Variants in MUC5AC observed in about 807,000 individuals in gnomAD.
The protein encoded by MUC5AC is mucin-5AC.
In MUC5AC, 158 loss-of-function variants were observed where a neutral mutation model predicts 169.7. That is an observed-to-expected ratio of 0.93 (90% CI 0.82 to 1.06). The LOEUF is 1.06. Ranked by LOEUF, MUC5AC falls within the 50% of genes least tolerant of loss-of-function variation. MUC5AC has a pLI of 0.00. For synonymous variants in MUC5AC, 1,975 were observed against 1,237.0 expected, an observed-to-expected ratio of 1.60 and a Z score of -12.52; for missense variants, 4,359 against 3,089.9, an observed-to-expected ratio of 1.41 and a Z score of -9.74.
chr11:1,179,210 T>C lies in MUC5AC; in HGVS notation c.3446T>C (p.Val1149Ala). 1.5e-5 allele frequency: 10 copies of C among 664,518 alleles called. No homozygotes were observed. The highest frequency in any genetic ancestry group is 1.4e-4 in the South Asian group (9 of 62,472). 41.2% of individuals were successfully genotyped at this position (664,518 alleles called of 1,614,324 possible). A position where few individuals can be genotyped will look rare whatever the true frequency, so the allele number is the denominator to read the frequency against. ...VAAYAQACHEVGLCVSWRTPS... is the reference protein window; with the variant it reads ...VAAYAQACHEAGLCVSWRTPS... ...GCCTACGCCCAGGCCTGCCATGAAGTAGGCCTGTGTGTGTCCTGGCGGACC... is the reference window on the plus strand; with the variant it reads ...GCCTACGCCCAGGCCTGCCATGAAGCAGGCCTGTGTGTGTCCTGGCGGACC... Residue 1149 changes from valine (V) to alanine (A), a missense_variant, in exon 26 of 49, where the codon GTA (valine) becomes GCA (alanine). By Grantham distance (64) the Val-to-Ala change is moderately conservative. Coordinates refer to ENST00000621226, the MANE Select transcript of MUC5AC (RefSeq NM_001304359.2).
rs1223768614 is a variant in MUC5AC at position 1,165,301 on chromosome 11, G to T, written c.1130-1G>T. The T allele has an allele frequency of 6.2e-7, 1 of 1,611,150 alleles. No homozygotes were observed. Among genetic ancestry groups the T allele is most frequent in the Non-Finnish European group, 8.5e-7 (1 of 1,179,202 alleles). On this transcript the variant is annotated splice_acceptor_variant, in intron 9 of 48. Transcript: ENST00000621226. LOFTEE classifies it high-confidence loss of function. ...GTCATAGGCCTGCCTGACCCCTGCA[G>T]GGACGGTGCTTGACGACATCGGCCA...
At position 1,178,577 on chromosome 11, in the gene MUC5AC, C is replaced by T; in HGVS notation, c.3221C>T (p.Ala1074Val). 2 of 1,406,494 alleles carry T rather than the reference C, an allele frequency of 1.4e-6. No homozygotes were observed. Among genetic ancestry groups the T allele is most frequent in the Non-Finnish European group, 1.9e-6 (2 of 1,065,018 alleles). The allele number at this position is 1,406,494 out of a possible 1,614,324, so 87.1% of individuals were successfully genotyped here. A position where few individuals can be genotyped will look rare whatever the true frequency, so the allele number is the denominator to read the frequency against. The change falls in exon 25 of 49, where the codon GCC becomes GTC. Residue 1074 changes from alanine to valine, a missense_variant. Coordinates refer to ENST00000621226, the MANE Select transcript of MUC5AC (RefSeq NM_001304359.2). ...AAGCTCTCCCCCTCCTGCCCAGATG[C>T]CCTGGCGCCCAAGGACCCCTGCACG... ...SWKLSPSCPD[A>V]LAPKDPCTAN...
Position 1,190,107 on chromosome 11 carries a change from G to C in MUC5AC, c.11962G>C (p.Glu3988Gln), listed in dbSNP as rs1295246124. The part of the protein sequence containing the change: ...ETYNNIIRSG[E>Q]KICRRPEEIT... ...CTACAACAACATCATCAGGAGTGGG[G>C]AAAAAATCTGCCGCCGACCTGAGGA... The change falls in exon 31 of 49, where the codon GAA (glutamate) becomes CAA (glutamine). Residue 3988 changes from glutamate (E) to glutamine (Q), a missense_variant. By Grantham distance (29) the Glu-to-Gln change is conservative (BLOSUM62 2). Coordinates refer to ENST00000621226, the MANE Select transcript of MUC5AC (RefSeq NM_001304359.2). The C allele has an allele frequency of 1.3e-6, 1 of 761,724 alleles. No homozygotes were observed. The highest frequency in any genetic ancestry group is 1.7e-5 in the African/African-American group (1 of 59,126). 47.2% of individuals were successfully genotyped at this position (761,724 alleles called of 1,614,324 possible).
At position 1,187,514 on chromosome 11, in the gene MUC5AC, T is replaced by G. The variant is rs1478064380; in HGVS notation, c.9369T>G (p.Thr3123=). Residue 3123 remains threonine (T), a synonymous_variant, in exon 31 of 49, where the codon ACT becomes ACG. Coordinates refer to ENST00000621226, the MANE Select transcript of MUC5AC (RefSeq NM_001304359.2). ...GCAAAACCTCTGGTCTTGGAACTAC[T>G]CCCAGCCCTATTCCTACCACCAGCA... The part of the protein sequence containing the change: ...TASKTSGLGT[T]PSPIPTTSTT... The G allele has an allele frequency of 2.7e-6, 2 of 728,536 alleles. No homozygotes were observed. The highest frequency in any genetic ancestry group is 3.7e-5 in the Admixed American group (2 of 53,780). The allele number at this position is 728,536 out of a possible 1,614,324, so 45.1% of individuals were successfully genotyped here. A position where few individuals can be genotyped will look rare whatever the true frequency, so the allele number is the denominator to read the frequency against.
chr11:1,171,938 CTCAT>C (rs1295139294), intron 15 of MUC5AC, among the ~76,000 whole-genome samples: 1,228 of 104,000 alleles, frequency 0.012, 6 homozygotes, highest in Non-Finnish European at 0.015. Context: ...CACTCATCCA[CTCAT>C]TCACTCACTC....
chr11:1,173,363 CTTCA>C (rs1472086233), intron 16 of MUC5AC, among the ~76,000 whole-genome samples: 8 of 145,882 alleles, frequency 5.5e-5, no homozygotes, highest in Non-Finnish European at 1.2e-4. Context: ...TCACTCATTC[CTTCA>C]TTCATTCCTT....
intron 2 of MUC5AC, 56 bp downstream of exon 2, chr11:1,160,745 T>C: frequency 1.3e-6 from 2 of 1,533,532 alleles, no homozygotes; most frequent in Non-Finnish European, 1.8e-6. Flanking sequence ...CCCTCCACCG[T>C]GTGGCACGGC....
At position 1,182,402 on chromosome 11, in the gene MUC5AC, G is replaced by T; in HGVS notation, c.4257G>T (p.Arg1419=). Residue 1419 remains arginine, a synonymous_variant, in exon 31 of 49, where the codon CGG becomes CGT. Transcript: ENST00000621226. ...AGAACCTCCGCGCCCATGGGTACCGGGTGTGCGAATCACCCAGGTCGGTGG... is the reference window on the plus strand; with the variant it reads ...AGAACCTCCGCGCCCATGGGTACCGTGTGTGCGAATCACCCAGGTCGGTGG... ...TLENLRAHGY[R]VCESPRSVEC... is the part of the protein sequence containing the mutation. 2.5e-6 allele frequency: 1 copy of T among 398,612 alleles called. No individual in the cohort carries two copies. Among genetic ancestry groups the T allele is most frequent in the Non-Finnish European group, 4.4e-6 (1 of 226,040 alleles). 24.7% of individuals were successfully genotyped at this position (398,612 alleles called of 1,614,324 possible).
In MUC5AC at chr11:1,188,268, A is replaced by G. The variant is rs1861001548; in HGVS notation, c.10123A>G (p.Thr3375Ala). 4 of 697,398 alleles carry G rather than the reference A, an allele frequency of 5.7e-6. No individual in the cohort carries two copies. The highest frequency in any genetic ancestry group is 2.0e-5 in the Admixed American group (1 of 49,706). 43.2% of individuals were successfully genotyped at this position (697,398 alleles called of 1,614,324 possible). A position where few individuals can be genotyped will look rare whatever the true frequency, so the allele number is the denominator to read the frequency against. The change falls in exon 31 of 49, where the codon ACC (threonine) becomes GCC (alanine). Residue 3375 changes from threonine to alanine, a missense_variant. Thr to Ala is a moderately conservative substitution (Grantham distance 58). Coordinates refer to ENST00000621226, the MANE Select transcript of MUC5AC (RefSeq NM_001304359.2). ...AACCTCCACTCCACAGACCAGCACAACCTCTGCTCCTACAACCAGCACAAC... is the reference window on the plus strand; with the variant it reads ...AACCTCCACTCCACAGACCAGCACAGCCTCTGCTCCTACAACCAGCACAAC... ...STTSTPQTSTTSAPTTSTTSA... is the reference protein window; with the variant it reads ...STTSTPQTSTASAPTTSTTSA...
At position 1,167,957 on chromosome 11, in the gene MUC5AC, C is replaced by T. The variant is rs969519081; in HGVS notation, c.1467C>T (p.Ser489=). 17 of 1,550,676 alleles carry T rather than the reference C, an allele frequency of 1.1e-5. No individual in the cohort carries two copies. Among genetic ancestry groups the T allele is most frequent in the South Asian group, 3.6e-5 (3 of 84,072 alleles). ...CGGACAGCGAGACCTGCCTGAAGAG[C>T]GTGACACTGAGCCTGGATGGGGCGC... The part of the protein sequence containing the change: ...GLTDSETCLK[S]VTLSLDGAQT... The change falls in exon 12 of 49, where the codon AGC becomes AGT. Residue 489 remains serine, a synonymous_variant. Transcript: ENST00000621226.
At chr11:1,193,242 G>A (rs56394108) in intron 32 of MUC5AC, among the ~76,000 whole-genome samples, 5,561 of 152,330 alleles carry the variant, frequency 0.037, 315 homozygotes, top group African/African-American at 0.13. Context: ...CAGAGCAGGT[G>A]GATGAGGCTG....
Position 1,192,962 on chromosome 11 carries a change from AAT to A in MUC5AC, c.14561_14562del (p.Asn4854SerfsTer9). 1 of 728,332 alleles carries A rather than the reference AAT, an allele frequency of 1.4e-6. No individual in the cohort carries two copies. The highest frequency in any genetic ancestry group is 2.5e-6 in the Non-Finnish European group (1 of 396,376). The allele number at this position is 728,332 out of a possible 1,614,324, so 45.1% of individuals were successfully genotyped here. A position where few individuals can be genotyped will look rare whatever the true frequency, so the allele number is the denominator to read the frequency against. The part of the protein sequence containing the change: ...SEPVTELGCP[N>X]AVPPRKKGET... ...GCCCGTCACTGAGCTGGGATGCCCAAATGCGGTTCCCCCCAGAAAGGTAACCC... is the reference window on the plus strand; with the variant it reads ...GCCCGTCACTGAGCTGGGATGCCCAAGCGGTTCCCCCCAGAAAGGTAACCC... On this transcript the variant is annotated frameshift_variant, in exon 32 of 49. Transcript: ENST00000621226. LOFTEE classifies it high-confidence loss of function.
At position 1,179,231 on chromosome 11, in the gene MUC5AC, G is replaced by A. The variant is rs898080553; in HGVS notation, c.3467G>A (p.Arg1156Gln). Residue 1156 changes from arginine to glutamine, a missense_variant, in exon 26 of 49, where the codon CGG becomes CAG. By Grantham distance (43) the Arg-to-Gln change is conservative. Coordinates refer to ENST00000621226, the MANE Select transcript of MUC5AC (RefSeq NM_001304359.2). Reference sequence around the variant, plus strand: ...GAAGTAGGCCTGTGTGTGTCCTGGCGGACCCCGAGCATCTGCCGTGAGTGC... The same window carrying A: ...GAAGTAGGCCTGTGTGTGTCCTGGCAGACCCCGAGCATCTGCCGTGAGTGC... ...CHEVGLCVSW[R>Q]TPSICPLFCD... 4 of 610,032 alleles carry A rather than the reference G, an allele frequency of 6.6e-6. No individual in the cohort carries two copies. Among genetic ancestry groups the A allele is most frequent in the Non-Finnish European group, 1.2e-5 (4 of 337,244 alleles). The allele number at this position is 610,032 out of a possible 1,614,324, so 37.8% of individuals were successfully genotyped here.
chr11:1,193,930 G>A (rs1356369558), intron 33 of MUC5AC, among the ~76,000 whole-genome samples, 180 bp from the exon 34 acceptor site: 2 of 152,242 alleles, frequency 1.3e-5, no homozygotes, highest in East Asian at 1.9e-4. Flanking sequence ...TCAAGCGCCC[G>A]CTGGATGGAG....
chr11:1,176,482 C>G, intron 20 of MUC5AC, 32 bp from the exon 21 acceptor site: 1 of 398,906 alleles, frequency 2.5e-6, no homozygotes. Context: ...GTGCCCTGCC[C>G]CATCACTCAG....
intron 1 of MUC5AC, among the ~76,000 whole-genome samples, chr11:1,159,447 G>T (rs1473253829): frequency 6.9e-6 from 1 of 144,456 alleles, no homozygotes; most frequent in Non-Finnish European, 1.5e-5. Flanking sequence ...GGGGGGTCTG[G>T]TCCCCCCATG....
chr11:1,177,104 G>A (rs1217964504), intron 22 of MUC5AC, 38 bp downstream of exon 22: 4 of 398,496 alleles, frequency 1.0e-5, no homozygotes, highest in Middle Eastern at 6.2e-4. Context: ...GGCGGCCCCC[G>A]TGGCCCGAAG....
In MUC5AC at chr11:1,190,797, A is replaced by T. The variant is rs1214467233; in HGVS notation, c.12652A>T (p.Thr4218Ser). 1 of 721,038 alleles carries T rather than the reference A, an allele frequency of 1.4e-6. No individual in the cohort carries two copies. Among genetic ancestry groups the T allele is most frequent in the Non-Finnish European group, 2.5e-6 (1 of 395,610 alleles). 44.7% of individuals were successfully genotyped at this position (721,038 alleles called of 1,614,324 possible). ...AACCTCAGCTGCTACAAGCAGCACAACCTCCGGTTCTGGAACTACTCCAAG... is the reference window on the plus strand; with the variant it reads ...AACCTCAGCTGCTACAAGCAGCACATCCTCCGGTTCTGGAACTACTCCAAG... ...SKTSAATSST[T>S]SGSGTTPSPV... Residue 4218 changes from threonine (T) to serine (S), a missense_variant, in exon 31 of 49, where the codon ACC becomes TCC. Physicochemically the swap from Thr to Ser is moderately conservative, Grantham distance 58 (BLOSUM62 1). Coordinates refer to ENST00000621226, the MANE Select transcript of MUC5AC (RefSeq NM_001304359.2).
intron 9 of MUC5AC, among the ~76,000 whole-genome samples, chr11:1,164,787 G>A (rs537838953): frequency 7.3e-6 from 1 of 137,736 alleles, no homozygotes; most frequent in Non-Finnish European, 1.6e-5. Context: ...GCTGGCTGAT[G>A]CCCCTGTCCC....
Sources: allele counts gnomAD v4.1 joint callset (sites outside exome capture counted in the v4.1 genomes callset), GRCh38; gene constraint gnomAD v4.1.1; transcripts MANE v1.5; gene names NCBI Gene and HGNC (gene_info 2026-07-23, HGNC 2026-07-21).